Variants in AKAP10 observed in about 807,000 individuals in gnomAD.
AKAP10 encodes A-kinase anchoring protein 10, also known as A-kinase anchor protein 10, mitochondrial.
AKAP10 carries 24 observed loss-of-function variants against 80.8 expected under a neutral mutation model. That is an observed-to-expected ratio of 0.30 (90% CI 0.22 to 0.42). The LOEUF (loss-of-function observed/expected upper bound fraction) is 0.42. Among genes scored for constraint, AKAP10 ranks in the 10% least tolerant of loss-of-function variants. The probability of loss-of-function intolerance (pLI) is 1.00; values close to 1 mark genes in which losing one functional copy is unlikely to be tolerated. For missense variants in AKAP10, 661 were observed against 794.9 expected, an observed-to-expected ratio of 0.83 and a Z score of 2.03; for synonymous variants, 291 against 277.7, an observed-to-expected ratio of 1.05 and a Z score of -0.48.
chr17:19,947,232 C>T (rs1248421780), intron 5 of AKAP10, 175 bp downstream of exon 5: 10 of 594,820 alleles, frequency 1.7e-5, no homozygotes, highest in Non-Finnish European at 2.7e-5. Flanking sequence ...CGAATGCAGC[C>T]GAGAAACTTT....
At chr17:19,970,041 C>G (rs2043474666) in intron 1 of AKAP10, among the ~76,000 whole-genome samples, 2 of 152,198 alleles carry the variant, frequency 1.3e-5, no homozygotes, top group Admixed American at 6.6e-5. Flanking sequence ...CATAGATACG[C>G]TGTTACTCCT....
intron 10 of AKAP10, chr17:19,929,305 A>G (rs2042907588): frequency 6.6e-6 from 1 of 152,240 alleles, no homozygotes; most frequent in Admixed American, 6.5e-5. Context: ...CTCTGTGACC[A>G]TATAAAAACC....
At chr17:19,950,461 C>T (rs1182375396) in intron 4 of AKAP10, among the ~76,000 whole-genome samples, 2 of 152,220 alleles carry the variant, frequency 1.3e-5, no homozygotes, top group East Asian at 1.9e-4. Flanking sequence ...AGGCGCACGC[C>T]GCCACACCTG....
chr17:19,966,281 C>T (rs955106239), intron 2 of AKAP10, among the ~76,000 whole-genome samples: 2 of 151,934 alleles, frequency 1.3e-5, no homozygotes, highest in South Asian at 2.1e-4. Context: ...ATTTTGCCTC[C>T]GAATTTTTTT....
Position 19,909,162 on chromosome 17 carries a change from A to G in AKAP10, c.1983+19T>C. 2 of 1,580,970 alleles carry G rather than the reference A, an allele frequency of 1.3e-6. No homozygotes were observed. The highest frequency in any genetic ancestry group is 1.9e-5 in the Admixed American group (1 of 52,652). ...GAAAATAATACTTTTTAGTTTACACAAAACGAAGTCATCCTTACCTTTGTA... is the reference window on the plus strand; with the variant it reads ...GAAAATAATACTTTTTAGTTTACACGAAACGAAGTCATCCTTACCTTTGTA... On this transcript the variant is annotated intron_variant, in intron 14 of 14. Transcript: ENST00000225737.
intron 5 of AKAP10, among the ~76,000 whole-genome samples, chr17:19,944,014 C>G (rs1053008014): frequency 4.0e-5 from 6 of 151,682 alleles, no homozygotes; most frequent in Non-Finnish European, 5.9e-5. Context: ...CAGTACATCT[C>G]CTTTCTCAAA....
At chr17:19,975,959 G>A (rs779225264) in intron 1 of AKAP10, among the ~76,000 whole-genome samples, 1 of 152,068 alleles carries the variant, frequency 6.6e-6, no homozygotes, top group African/African-American at 2.4e-5. Flanking sequence ...CTATTTTACC[G>A]GTTTCATTCA....
At position 19,966,092 on chromosome 17, in the gene AKAP10, T is replaced by C. The variant is rs559463569; in HGVS notation, c.136+2322A>G. Among the ~76,000 whole-genome samples, 23 of 152,162 alleles carry C rather than the reference T, an allele frequency of 1.5e-4. No individual in the cohort carries two copies. In the South Asian group the frequency reaches 2.9e-3, roughly 19 times the overall value. ...TCAGACCTTAAAATTACTATGCATATAAAATAACATATATAACATATATAA... is the reference window on the plus strand; with the variant it reads ...TCAGACCTTAAAATTACTATGCATACAAAATAACATATATAACATATATAA... On this transcript the variant is annotated intron_variant, in intron 2 of 14. Coordinates refer to ENST00000225737, the MANE Select transcript of AKAP10 (RefSeq NM_007202.4).
At chr17:19,959,782 C>A (rs1438929848) in intron 3 of AKAP10, among the ~76,000 whole-genome samples, 1 of 152,164 alleles carries the variant, frequency 6.6e-6, no homozygotes, top group Non-Finnish European at 1.5e-5. Flanking sequence ...ATATTCAAAT[C>A]ATTTTTTTGA....
intron 12 of AKAP10, among the ~76,000 whole-genome samples, chr17:19,912,037 G>C (rs144475124): frequency 6.6e-6 from 1 of 152,126 alleles, no homozygotes; most frequent in African/African-American, 2.4e-5. Context: ...ATTCCTTCTT[G>C]TTACACTGTC....
At chr17:19,960,792 G>A (rs754737965) in intron 3 of AKAP10, among the ~76,000 whole-genome samples, 55 of 146,796 alleles carry the variant, frequency 3.7e-4, no homozygotes, top group African/African-American at 1.4e-3. Flanking sequence ...TTGGGAGGCC[G>A]AGGCGGGCTG....
rs1197261616 is a variant in AKAP10, at chr17:19,940,801, TG to T, written c.1185+85del. The T allele has an allele frequency of 2.1e-6, 3 of 1,409,856 alleles. No individual in the cohort carries two copies. In the East Asian group the frequency reaches 7.6e-5, roughly 36 times the overall value. 87.3% of individuals were successfully genotyped at this position (1,409,856 alleles called of 1,614,324 possible). ...TTTTGGAAATGACTTGGCTCTTCTG[TG>T]TTATTTCCTATAGACAGGGCCCCAG... On this transcript the variant is annotated intron_variant, in intron 7 of 14. Transcript: ENST00000225737.
intron 8 of AKAP10, among the ~76,000 whole-genome samples, chr17:19,938,237 A>ATT (rs71157845): frequency 7.3e-6 from 1 of 136,066 alleles, no homozygotes; most frequent in South Asian, 2.4e-4. Flanking sequence ...CTGAAAACCT[A>ATT]TTTTTTTTTT....
At chr17:19,937,397 G>A (rs921849094) in intron 8 of AKAP10, among the ~76,000 whole-genome samples, 2 of 152,164 alleles carry the variant, frequency 1.3e-5, no homozygotes, top group Non-Finnish European at 2.9e-5. Context: ...AGCTACTCAG[G>A]AGGCTGAGGC....
At chr17:19,944,153 T>C (rs576773749) in intron 5 of AKAP10, among the ~76,000 whole-genome samples, 4 of 152,300 alleles carry the variant, frequency 2.6e-5, no homozygotes, top group African/African-American at 9.6e-5. Context: ...TCTACCCGTG[T>C]ACTGCATTCT....
chr17:19,967,416 G>A (rs1277293555), intron 2 of AKAP10, among the ~76,000 whole-genome samples: 1 of 152,210 alleles, frequency 6.6e-6, no homozygotes, highest in Non-Finnish European at 1.5e-5. Context: ...ATAAGTGTCA[G>A]TGCTTTCCTA....
chr17:19,936,884 A>G (rs1193466030), intron 8 of AKAP10, among the ~76,000 whole-genome samples: 3 of 152,238 alleles, frequency 2.0e-5, no homozygotes, highest in Non-Finnish European at 4.4e-5. Context: ...ACTACAAGGC[A>G]TCAGGAGTAA....
intron 4 of AKAP10, among the ~76,000 whole-genome samples, chr17:19,951,606 T>G (rs1320591424): frequency 6.6e-6 from 1 of 152,020 alleles, no homozygotes; most frequent in African/African-American, 2.4e-5. Flanking sequence ...CCCAACCCCC[T>G]GCTCTCTGAA....
intron 11 of AKAP10, among the ~76,000 whole-genome samples, chr17:19,923,713 A>AG (rs779899286): frequency 2.5e-4 from 38 of 152,060 alleles, no homozygotes; most frequent in Non-Finnish European, 5.1e-4. Flanking sequence ...TTTTTAGTAG[A>AG]GACGGGGTTT....
Sources: allele counts gnomAD v4.1 joint callset (sites outside exome capture counted in the v4.1 genomes callset), GRCh38; gene constraint gnomAD v4.1.1; transcripts MANE v1.5; gene names NCBI Gene and HGNC (gene_info 2026-07-23, HGNC 2026-07-21).